The following TYRP1 variants were observed in gnomAD, a reference collection of about 807,000 sequenced individuals.
TYRP1 encodes 5,6-dihydroxyindole-2-carboxylic acid oxidase.
In TYRP1, 49 loss-of-function variants were observed where a neutral mutation model predicts 42.8. That is an observed-to-expected ratio of 1.14 (90% CI 0.91 to 1.45). TYRP1 has a LOEUF of 1.45. TYRP1 is among the 40% of genes most tolerant of loss of function. The pLI is 0.00. For synonymous variants in TYRP1, 279 were observed against 235.4 expected, an observed-to-expected ratio of 1.19 and a Z score of -1.69; for missense variants, 848 against 662.0, an observed-to-expected ratio of 1.28 and a Z score of -3.08.
Position 12,708,058 on chromosome 9 carries a change from G to A in TYRP1, c.1323G>A (p.Val441=). The change falls in exon 7 of 8, where the codon GTG becomes GTA. Residue 441 remains valine, a synonymous_variant. Transcript: ENST00000388918. ...PIGHNRQYNM[V]PFWPPVTNTE... ...GACATAATAGACAATACAACATGGT[G>A]CCATTCTGGCCCCCAGTCACCAACA... The A allele has an allele frequency of 6.2e-7, 1 of 1,612,772 alleles. No individual in the cohort carries two copies. The highest frequency in any genetic ancestry group is 8.5e-7 in the Non-Finnish European group (1 of 1,179,284).
chr9:12,697,736 T>C (rs539197211), intron 3 of TYRP1, among the ~76,000 whole-genome samples: 6 of 152,152 alleles, frequency 3.9e-5, no homozygotes, highest in Non-Finnish European at 8.8e-5. Flanking sequence ...TTTTTAAAAA[T>C]GTGAGATCAG....
At chr9:12,704,980 A>C (rs1367411548) in intron 6 of TYRP1, among the ~76,000 whole-genome samples, 1 of 152,122 alleles carries the variant, frequency 6.6e-6, no homozygotes, top group East Asian at 1.9e-4. Context: ...AATGGCTACT[A>C]TGTTTCACAA....
chr9:12,702,187 C>G, intron 4 of TYRP1, 84 bp from the exon 5 acceptor site: 1 of 1,401,134 alleles, frequency 7.1e-7, no homozygotes, highest in Non-Finnish European at 1.0e-6. Flanking sequence ...ATTTCATATT[C>G]ATGCTATGTA....
At chr9:12,695,448 T>G in intron 2 of TYRP1, 67 bp from the exon 3 acceptor site, 1 of 1,429,994 alleles carries the variant, frequency 7.0e-7, no homozygotes, top group South Asian at 1.2e-5. Context: ...TACAAGATGA[T>G]TATGCTCTTT....
At chr9:12,700,955 G>GTTAA (rs754859775) in intron 4 of TYRP1, among the ~76,000 whole-genome samples, 7 of 151,954 alleles carry the variant, frequency 4.6e-5, no homozygotes, top group Non-Finnish European at 5.9e-5. Context: ...TGATTATTAC[G>GTTAA]TTAATTATAA....
intron 4 of TYRP1, among the ~76,000 whole-genome samples, chr9:12,701,191 C>G (rs748701739): frequency 6.6e-6 from 1 of 151,942 alleles, no homozygotes; most frequent in Non-Finnish European, 1.5e-5. Flanking sequence ...ATAAATCACA[C>G]ATAACTTTCT....
At chr9:12,703,821 TA>T (rs1200345602) in intron 5 of TYRP1, among the ~76,000 whole-genome samples, 1 of 151,994 alleles carries the variant, frequency 6.6e-6, no homozygotes, top group South Asian at 2.1e-4. Context: ...CCTCCATTTT[TA>T]TTTATGACCT....
intron 5 of TYRP1, 77 bp from the exon 6 acceptor site, chr9:12,704,449 A>G: frequency 3.3e-6 from 5 of 1,522,940 alleles, no homozygotes; most frequent in African/African-American, 1.4e-5. Flanking sequence ...TTGTTTCCCA[A>G]TATAATCATT....
chr9:12,704,788 C>A, intron 6 of TYRP1, 83 bp downstream of exon 6: 5 of 1,383,370 alleles, frequency 3.6e-6, no homozygotes, highest in Non-Finnish European at 1.0e-6. Flanking sequence ...GCTGAGCACT[C>A]AGCGCATAAA....
rs752263450 is a variant in TYRP1, at chr9:12,694,144, G to A, written c.148G>A (p.Gly50Arg). Residue 50 changes from glycine (G) to arginine (R), a missense_variant, in exon 2 of 8, where the codon GGG becomes AGG. Physicochemically the swap from Gly to Arg is moderately radical, Grantham distance 125 (BLOSUM62 -2). Coordinates refer to ENST00000388918, the MANE Select transcript of TYRP1 (RefSeq NM_000550.3). ...MCCPDLSPVS[G>R]PGTDRCGSSS... ...TTGCCCAGACCTGTCCCCTGTGTCTGGGCCTGGGACAGACCGCTGTGGCTC... is the reference window on the plus strand; with the variant it reads ...TTGCCCAGACCTGTCCCCTGTGTCTAGGCCTGGGACAGACCGCTGTGGCTC... The A allele has an allele frequency of 6.2e-6, 10 of 1,614,088 alleles. No homozygotes were observed. Among genetic ancestry groups the A allele is most frequent in the Admixed American group, 1.7e-5 (1 of 60,002 alleles).
chr9:12,707,816 A>C (rs1274051972), intron 6 of TYRP1, 181 bp from the exon 7 acceptor site: 13 of 615,342 alleles, frequency 2.1e-5, no homozygotes, highest in Non-Finnish European at 3.6e-5. Context: ...TATTCAAAGC[A>C]TTTTCTGTTT....
rs766327901 is a variant in TYRP1 at position 12,694,329 on chromosome 9, G to A, written c.333G>A (p.Gly111=). ...GCAATTTCTCAGGACACAACTGTGG[G>A]ACGTGCCGTCCTGGCTGGAGAGGAG... ...CNGNFSGHNC[G]TCRPGWRGAA... The change falls in exon 2 of 8, where the codon GGG becomes GGA. Residue 111 remains glycine, a synonymous_variant. Coordinates refer to ENST00000388918, the MANE Select transcript of TYRP1 (RefSeq NM_000550.3). 2 of 1,614,066 alleles carry A rather than the reference G, an allele frequency of 1.2e-6. No individual in the cohort carries two copies. The highest frequency in any genetic ancestry group is 2.2e-5 in the East Asian group (1 of 44,854).
intron 5 of TYRP1, 34 bp from the exon 6 acceptor site, chr9:12,704,492 A>C (rs1818225276): frequency 2.5e-6 from 4 of 1,597,932 alleles, no homozygotes; most frequent in Non-Finnish European, 3.4e-6. Context: ...TATTTGCAAT[A>C]GTTTTACTAT....
chr9:12,706,914 G>A (rs952252078), intron 6 of TYRP1, among the ~76,000 whole-genome samples: 3 of 151,848 alleles, frequency 2.0e-5, no homozygotes, highest in African/African-American at 7.2e-5. Flanking sequence ...CAGAATAATA[G>A]AATTATTAGG....
intron 4 of TYRP1, among the ~76,000 whole-genome samples, chr9:12,700,849 G>A (rs930288212): frequency 2.6e-5 from 4 of 152,018 alleles, no homozygotes; most frequent in African/African-American, 9.7e-5. Context: ...AGTTTTGGGT[G>A]ATAATGTACA....
Position 12,698,469 on chromosome 9 carries a change from T to C in TYRP1, c.727T>C (p.Ser243Pro), listed in dbSNP as rs1298587071. The C allele has an allele frequency of 1.9e-6, 3 of 1,613,570 alleles. No homozygotes were observed. In the Admixed American group the frequency reaches 5.0e-5, roughly 27 times the overall value. The part of the protein sequence containing the change: ...KDMQEMLQEP[S>P]FSLPYWNFAT... ...GATCTAGGAAATGTTGCAAGAGCCT[T>C]CTTTCTCCCTTCCTTACTGGAATTT... The change falls in exon 4 of 8, where the codon TCT becomes CCT. Residue 243 changes from serine to proline, a missense_variant. Ser to Pro is a moderately conservative substitution (Grantham distance 74). Coordinates refer to ENST00000388918, the MANE Select transcript of TYRP1 (RefSeq NM_000550.3).
rs114558875 is a variant in TYRP1, at chr9:12,696,942, C to T, written c.708+1105C>T. Among the ~76,000 whole-genome samples, 943 of 151,404 alleles carry T rather than the reference C, an allele frequency of 6.2e-3. 11 individuals are homozygous for T. Among genetic ancestry groups the T allele is most frequent in the African/African-American group, 0.021 (883 of 41,386 alleles). On this transcript the variant is annotated intron_variant, in intron 3 of 7. Coordinates refer to ENST00000388918, the MANE Select transcript of TYRP1 (RefSeq NM_000550.3). ...GCAGAATGCTGTGCCAGCATTATTCCGAGAAAAAATAAATGGTTAGAAGAG... is the reference window on the plus strand; with the variant it reads ...GCAGAATGCTGTGCCAGCATTATTCTGAGAAAAAATAAATGGTTAGAAGAG...
At chr9:12,703,909 G>GTGTGTGTA (rs565045669) in intron 5 of TYRP1, among the ~76,000 whole-genome samples, 28 of 121,646 alleles carry the variant, frequency 2.3e-4, no homozygotes, top group Non-Finnish European at 4.5e-4. Flanking sequence ...GTGTGTGTGT[G>GTGTGTGTA]TATATATGTG....
chr9:12,702,291 A>C lies in TYRP1; in HGVS notation c.934A>C (p.Arg312=). The stretch of plus-strand genomic sequence containing the variant: ...TGCAGGCACCGAGGATGGGCCAATT[A>C]GGAGAAATCCAGCTGGAAATGTGGC... ...LCNSTEDGPI[R]RNPAGNVARP... Residue 312 remains arginine, a synonymous_variant, in exon 5 of 8, where the codon AGG becomes CGG. Transcript: ENST00000388918. 6.2e-7 allele frequency: 1 copy of C among 1,613,116 alleles called. No homozygotes were observed. Among genetic ancestry groups the C allele is most frequent in the Non-Finnish European group, 8.5e-7 (1 of 1,179,404 alleles).
Sources: gnomAD v4.1 joint callset for allele counts (sites outside exome capture counted in the v4.1 genomes callset) on GRCh38, gnomAD v4.1.1 for gene constraint, MANE v1.5 for transcripts, NCBI Gene and HGNC (gene_info 2026-07-23, HGNC 2026-07-21) for gene names.